The following KAZN variants were observed in gnomAD, a reference collection of about 807,000 sequenced individuals.
KAZN encodes kazrin, periplakin interacting protein.
A neutral mutation model predicts 87.4 loss-of-function variants in KAZN; 40 were observed. That is an observed-to-expected ratio of 0.46 (90% CI 0.36 to 0.60). The LOEUF (loss-of-function observed/expected upper bound fraction) is 0.60. KAZN is among the 20% of genes least tolerant of loss of function. KAZN has a pLI of 0.00. For missense variants in KAZN, 898 were observed against 1,073.9 expected, an observed-to-expected ratio of 0.84 and a Z score of 2.29; for synonymous variants, 466 against 458.3, an observed-to-expected ratio of 1.02 and a Z score of -0.22.
chr1:13,898,590 G>T (rs998589736), intron 1 of KAZN, among the ~76,000 whole-genome samples: 11 of 152,190 alleles, frequency 7.2e-5, no homozygotes, highest in African/African-American at 2.2e-4. Context: ...GGGAGATGAG[G>T]ACAGGAAGGT....
chr1:14,572,890 C>G lies in KAZN; in HGVS notation c.250-26093C>G, dbSNP rs570107126. ...TAAACATTTATGTAAGTATTAAGTA[C>G]TTACTATATACCTAGCACTCTTCTG... is the stretch of plus-strand genomic sequence containing the variant. On this transcript the variant is annotated intron_variant, in intron 2 of 16. Coordinates refer to the KAZN transcript ENST00000636203. Among the ~76,000 whole-genome samples the G allele has an allele frequency of 1.1e-3, 162 of 152,294 alleles. 2 individuals are homozygous for G. The highest frequency in any genetic ancestry group is 3.7e-3 in the African/African-American group (155 of 41,542).
chr1:14,049,785 A>C (rs1642232760), intron 1 of KAZN, among the ~76,000 whole-genome samples: 1 of 152,238 alleles, frequency 6.6e-6, no homozygotes, highest in African/African-American at 2.4e-5. Context: ...TAGTGAGGGA[A>C]ACCAGACAGT....
intron 2 of KAZN, among the ~76,000 whole-genome samples, chr1:14,554,430 C>T (rs12041203): frequency 0.19 from 29,361 of 152,118 alleles, 3,422 homozygotes; most frequent in Middle Eastern, 0.28. Flanking sequence ...CCCTGATGGA[C>T]GGACCCATCA....
chr1:15,023,367 C>A (rs1430459213), intron 2 of KAZN, among the ~76,000 whole-genome samples: 2 of 152,012 alleles, frequency 1.3e-5, no homozygotes, highest in Admixed American at 6.6e-5. Flanking sequence ...GAAGAGGTTG[C>A]CGAGAAAGGC....
intron 2 of KAZN, among the ~76,000 whole-genome samples, chr1:14,193,661 GTTTTT>G (rs35505020): frequency 3.1e-4 from 43 of 140,648 alleles, no homozygotes; most frequent in African/African-American, 7.8e-4. Context: ...AGACTAAGGT[GTTTTT>G]TTTTTTTTTT....
intron 2 of KAZN, among the ~76,000 whole-genome samples, chr1:14,343,171 A>C (rs536294471): frequency 6.6e-6 from 1 of 152,132 alleles, no homozygotes; most frequent in South Asian, 2.1e-4. Flanking sequence ...AACAAACAAC[A>C]AAAAACTTTC....
intron 1 of KAZN, among the ~76,000 whole-genome samples, chr1:13,981,105 A>G (rs995771392): frequency 2.2e-5 from 3 of 133,504 alleles, no homozygotes; most frequent in East Asian, 2.0e-4. Flanking sequence ...ATATATATAT[A>G]TATATGTATA....
At chr1:14,998,991 C>T (rs1386127824) in intron 2 of KAZN, among the ~76,000 whole-genome samples, 1 of 152,214 alleles carries the variant, frequency 6.6e-6, no homozygotes, top group Non-Finnish European at 1.5e-5. Flanking sequence ...GAACAACAGT[C>T]ACCAGGTATT....
At chr1:14,019,654 T>C (rs1322222472) in intron 1 of KAZN, among the ~76,000 whole-genome samples, 2 of 152,180 alleles carry the variant, frequency 1.3e-5, no homozygotes, top group Admixed American at 1.3e-4. Flanking sequence ...ATTGCCCTAC[T>C]CCTGACTAGC....
chr1:14,905,355 C>T (rs1374807669), intron 1 of KAZN, among the ~76,000 whole-genome samples: 1 of 152,178 alleles, frequency 6.6e-6, no homozygotes, highest in African/African-American at 2.4e-5. Context: ...ATCTACTGCG[C>T]CTGGACAGGA....
At chr1:14,216,605 C>T (rs1451641968) in intron 2 of KAZN, among the ~76,000 whole-genome samples, 3 of 152,202 alleles carry the variant, frequency 2.0e-5, no homozygotes, top group Admixed American at 6.6e-5. Context: ...AACTATATCC[C>T]GATTAAAAGT....
intron 1 of KAZN, among the ~76,000 whole-genome samples, chr1:14,718,600 C>A (rs770117319): frequency 6.6e-6 from 1 of 152,244 alleles, no homozygotes; most frequent in African/African-American, 2.4e-5. Flanking sequence ...TTGGTGCAGC[C>A]GCTAAGCTGA....
intron 2 of KAZN, among the ~76,000 whole-genome samples, chr1:14,541,022 A>T (rs1207454474): frequency 6.6e-6 from 1 of 152,196 alleles, no homozygotes. Context: ...GAACTTGCAC[A>T]GTTTCTAAGG....
At chr1:14,853,875 T>C (rs573092918) in intron 1 of KAZN, among the ~76,000 whole-genome samples, 3 of 152,220 alleles carry the variant, frequency 2.0e-5, no homozygotes, top group Admixed American at 2.0e-4. Context: ...AACGGTGGCC[T>C]GTGGACCACC....
intron 2 of KAZN, among the ~76,000 whole-genome samples, chr1:14,303,473 T>C (rs1295994316): frequency 6.6e-6 from 1 of 152,224 alleles, no homozygotes; most frequent in Non-Finnish European, 1.5e-5. Flanking sequence ...CTCAATCTCC[T>C]GACCTCGGAT....
intron 1 of KAZN, among the ~76,000 whole-genome samples, chr1:14,876,702 T>C (rs1347561436): frequency 6.6e-6 from 1 of 152,214 alleles, no homozygotes; most frequent in African/African-American, 2.4e-5. Context: ...AAAATTGGTA[T>C]GCTTTTGAGG....
At chr1:13,932,008 A>ATTTTTTTTTTTTTTTTTT in intron 1 of KAZN, among the ~76,000 whole-genome samples, 1 of 122,918 alleles carries the variant, frequency 8.1e-6, no homozygotes, top group African/African-American at 3.1e-5. Context: ...GGCTTGGCTA[A>ATTTTTTTTTTTTTTTTTT]TTTTTTTTTT....
At chr1:14,904,955 G>T (rs1007268807) in intron 1 of KAZN, among the ~76,000 whole-genome samples, 2 of 152,156 alleles carry the variant, frequency 1.3e-5, no homozygotes, top group Admixed American at 1.3e-4. Context: ...TAGAGATGGG[G>T]TTTCACGGTG....
intron 2 of KAZN, among the ~76,000 whole-genome samples, chr1:14,962,849 C>T (rs1664042715): frequency 6.6e-6 from 1 of 152,030 alleles, no homozygotes; most frequent in South Asian, 2.1e-4. Flanking sequence ...GGGATGGCGG[C>T]GGCGGGAGTT....
Sources: allele counts gnomAD v4.1 joint callset (sites outside exome capture counted in the v4.1 genomes callset), GRCh38; gene constraint gnomAD v4.1.1; transcripts MANE v1.5; gene names NCBI Gene and HGNC (gene_info 2026-07-23, HGNC 2026-07-21).